The following SPACA9 variants were observed in gnomAD, a reference collection of about 807,000 sequenced individuals.
SPACA9 encodes the protein sperm acrosome-associated protein 9.
SPACA9 carries 14 observed loss-of-function variants against 12.5 expected under a neutral mutation model. The ratio of observed to expected loss-of-function variants is 1.12; its 90% CI spans 0.74 to 1.75. The LOEUF is 1.75. SPACA9 is among the 40% of genes most tolerant of loss of function. The pLI, the probability that SPACA9 is intolerant of heterozygous loss-of-function variation, is 0.00. For synonymous variants in SPACA9, 111 were observed against 114.1 expected, an observed-to-expected ratio of 0.97 and a Z score of 0.17; for missense variants, 292 against 291.9, an observed-to-expected ratio of 1.00 and a Z score of 0.00.
chr9:132,883,826 C>T, intron 1 of SPACA9, 85 bp from the exon 2 acceptor site: 1 of 1,083,282 alleles, frequency 9.2e-7, no homozygotes, highest in African/African-American at 1.5e-5. Flanking sequence ...CATGGGTATC[C>T]CTCTCCCCTG....
In SPACA9 at chr9:132,888,464, G is replaced by A. The variant is rs931521834; in HGVS notation, c.522G>A (p.Glu174=). The A allele has an allele frequency of 6.2e-7, 1 of 1,612,336 alleles. No individual in the cohort carries two copies. Among genetic ancestry groups the A allele is most frequent in the African/African-American group, 1.3e-5 (1 of 74,976 alleles). The change falls in exon 4 of 4, where the codon GAG becomes GAA. Residue 174 remains glutamate (E), a synonymous_variant. Coordinates refer to ENST00000356311, the MANE Select transcript of SPACA9 (RefSeq NM_001316897.2). This position sits in a 1 kb window ranked among gnomAD's most constrained non-coding sequence, Gnocchi z 5.0. ...TGAGTGAGCCCCAGGCGCACCAGGA[G>A]AGCACCAGGGGAGCCGCTCGTCCTG... ...QHVSEPQAHQ[E]STRGAARPAQ... is the part of the protein sequence containing the mutation.
intron 1 of SPACA9, among the ~76,000 whole-genome samples, chr9:132,882,752 C>T (rs1286359664): frequency 3.3e-5 from 5 of 152,156 alleles, no homozygotes; most frequent in Non-Finnish European, 4.4e-5. Flanking sequence ...GAGCTCAGCA[C>T]AGCCTTCTCT....
chr9:132,878,793 C>T, upstream of SPACA9: 7 of 985,178 alleles, frequency 7.1e-6, no homozygotes, highest in Non-Finnish European at 8.4e-6. This position sits in a 1 kb window ranked among gnomAD's most constrained non-coding sequence, Gnocchi z 4.7. Context: ...CCCCTCCCAG[C>T]TCCCCGGCTC....
rs57894570 is a variant in SPACA9 at position 132,888,452 on chromosome 9, G to A, written c.510G>A (p.Gln170=). 1.4e-3 allele frequency: 2,332 copies of A among 1,613,192 alleles called. 27 individuals are homozygous for A. The African/African-American group carries it at 0.027, about 19-fold the overall frequency. The change falls in exon 4 of 4, where the codon CAG becomes CAA. Residue 170 remains glutamine, a synonymous_variant. Transcript: ENST00000356311. This position sits in a 1 kb window ranked among gnomAD's most constrained non-coding sequence, Gnocchi z 5.0. ...TGCTGCAGCACGTGAGTGAGCCCCA[G>A]GCGCACCAGGAGAGCACCAGGGGAG... The part of the protein sequence containing the change: ...RKVLQHVSEP[Q]AHQESTRGAA...
Position 132,887,619 on chromosome 9 carries a change from G to C in SPACA9, c.347+48G>C. 1 of 1,527,254 alleles carries C rather than the reference G, an allele frequency of 6.5e-7. No individual in the cohort carries two copies. The highest frequency in any genetic ancestry group is 1.7e-4 in the Middle Eastern group (1 of 5,834). 94.6% of individuals were successfully genotyped at this position (1,527,254 alleles called of 1,614,324 possible). ...TTGAGGCCCCGTGTGTGCCTGTGGGGAGGCCTCTGTCCTGCTTCTTTCCTG... is the reference window on the plus strand; with the variant it reads ...TTGAGGCCCCGTGTGTGCCTGTGGGCAGGCCTCTGTCCTGCTTCTTTCCTG... On this transcript the variant is annotated intron_variant, in intron 3 of 3. Coordinates refer to ENST00000356311, the MANE Select transcript of SPACA9 (RefSeq NM_001316897.2). The surrounding 1 kb of genome is among the most constrained non-coding windows in gnomAD (Gnocchi z 5.4).
rs1844675566 is a variant in SPACA9 at position 132,889,363 on chromosome 9, C to A, written c.*752C>A. ...ACGCTGTTTGCGAGCCAGGGATGCT[C>A]CCCTCCAGGATGGAGTGGGGGTCGG... On this transcript the variant is annotated 3_prime_UTR_variant, in exon 4 of 4. Coordinates refer to ENST00000356311, the MANE Select transcript of SPACA9 (RefSeq NM_001316897.2). The A allele has an allele frequency of 1.0e-6, 1 of 985,506 alleles. No homozygotes were observed. Among genetic ancestry groups the A allele is most frequent in the African/African-American group, 1.7e-5 (1 of 57,364 alleles). 61.0% of individuals were successfully genotyped at this position (985,506 alleles called of 1,614,324 possible).
chr9:132,886,495 G>A (rs1844567636), intron 2 of SPACA9, among the ~76,000 whole-genome samples: 1 of 152,212 alleles, frequency 6.6e-6, no homozygotes, highest in Non-Finnish European at 1.5e-5. Flanking sequence ...AAGTCAGGGG[G>A]CAGCCCCCTT....
At chr9:132,879,313 C>CT (rs1218045680) in intron 1 of SPACA9, among the ~76,000 whole-genome samples, 2 of 152,172 alleles carry the variant, frequency 1.3e-5, no homozygotes, top group Non-Finnish European at 2.9e-5. Context: ...TTGTTGAACT[C>CT]TTTGTGCTCT....
intron 2 of SPACA9, among the ~76,000 whole-genome samples, chr9:132,885,970 G>A (rs555472256): frequency 3.9e-5 from 6 of 151,956 alleles, no homozygotes; most frequent in South Asian, 2.1e-4. Context: ...CCTCCTCCTC[G>A]ACCCCTACAG....
Position 132,889,634 on chromosome 9 carries a change from T to C in SPACA9, c.*1023T>C. 3.0e-6 allele frequency: 2 copies of C among 666,116 alleles called. No individual in the cohort carries two copies. The highest frequency in any genetic ancestry group is 3.7e-6 in the Non-Finnish European group (2 of 535,272). 41.3% of individuals were successfully genotyped at this position (666,116 alleles called of 1,614,324 possible). On this transcript the variant is annotated 3_prime_UTR_variant, in exon 4 of 4. Coordinates refer to ENST00000356311, the MANE Select transcript of SPACA9 (RefSeq NM_001316897.2). ...TTCACCACGTTGGCCAGGCTGGTCTTGAACTCCTGACCTCAACTGGTCCAC... is the reference window on the plus strand; with the variant it reads ...TTCACCACGTTGGCCAGGCTGGTCTCGAACTCCTGACCTCAACTGGTCCAC...
intron 1 of SPACA9, among the ~76,000 whole-genome samples, chr9:132,882,732 G>C (rs2131482626): frequency 6.6e-6 from 1 of 152,168 alleles, no homozygotes; most frequent in East Asian, 1.9e-4. Flanking sequence ...ATCTCCCTTG[G>C]ACTGGACCTG....
intron 2 of SPACA9, among the ~76,000 whole-genome samples, chr9:132,884,376 C>T (rs988381914): frequency 2.0e-5 from 3 of 152,216 alleles, no homozygotes; most frequent in Admixed American, 6.5e-5. Context: ...ATGACTTCAC[C>T]TTTCTGTGCC....
chr9:132,879,096 T>G (rs985037859), intron 1 of SPACA9, 82 bp downstream of exon 1: 2 of 151,668 alleles, frequency 1.3e-5, no homozygotes, highest in African/African-American at 4.9e-5. Context: ...GGGTGGAGGA[T>G]GGAAAGATGG....
chr9:132,883,967 C>T lies in SPACA9; in HGVS notation c.20C>T (p.Ser7Phe). 1 of 1,614,218 alleles carries T rather than the reference C, an allele frequency of 6.2e-7. No homozygotes were observed. Among genetic ancestry groups the T allele is most frequent in the Non-Finnish European group, 8.5e-7 (1 of 1,180,016 alleles). The change falls in exon 2 of 4, where the codon TCC (serine) becomes TTC (phenylalanine). Residue 7 changes from serine (S) to phenylalanine (F), a missense_variant. Coordinates refer to ENST00000356311, the MANE Select transcript of SPACA9 (RefSeq NM_001316897.2). MNEVKE[S>F]LRSIEQKYKL... ...AAGACAATGAATGAGGTGAAAGAAT[C>T]CCTTCGCAGCATCGAGCAGAAGTAC... is the stretch of plus-strand genomic sequence containing the variant.
intron 1 of SPACA9, among the ~76,000 whole-genome samples, chr9:132,880,274 C>T (rs1391030633): frequency 6.6e-6 from 1 of 152,184 alleles, no homozygotes; most frequent in Non-Finnish European, 1.5e-5. Flanking sequence ...CTCCCTCCTC[C>T]CCCAGATCGA....
At chr9:132,880,734 T>C (rs1340345857) in intron 1 of SPACA9, among the ~76,000 whole-genome samples, 2 of 152,062 alleles carry the variant, frequency 1.3e-5, no homozygotes, top group Non-Finnish European at 2.9e-5. Context: ...CCATTTAGAA[T>C]AACATGTCAA....
chr9:132,887,155 A>ATCCC lies in SPACA9; in HGVS notation c.145-211_145-210insCTCC, dbSNP rs1465171714. ...ATCATATCTATCCATCCATCCATCCATCCATCCATCCATCCATCCATCCAT... is the reference window on the plus strand; with the variant it reads ...ATCATATCTATCCATCCATCCATCCATCCCTCCATCCATCCATCCATCCATCCAT... On this transcript the variant is annotated intron_variant, in intron 2 of 3. Coordinates refer to ENST00000356311, the MANE Select transcript of SPACA9 (RefSeq NM_001316897.2). The surrounding 1 kb of genome is among the most constrained non-coding windows in gnomAD (Gnocchi z 5.4). 2.0e-5 allele frequency among the ~76,000 whole-genome samples: 3 copies of ATCCC among 151,618 alleles called. No homozygotes were observed. Among genetic ancestry groups the ATCCC allele is most frequent in the Non-Finnish European group, 4.4e-5 (3 of 67,916 alleles).
In SPACA9 at chr9:132,889,224, C is replaced by T; in HGVS notation, c.*613C>T. On this transcript the variant is annotated 3_prime_UTR_variant, in exon 4 of 4. Transcript: ENST00000356311. ...CACCTAGGTCCTCTTTGAGCCACAT[C>T]CGGCTCCAGTGCCACGCCTGTCCCT... 1 of 986,162 alleles carries T rather than the reference C, an allele frequency of 1.0e-6. No homozygotes were observed. The highest frequency in any genetic ancestry group is 1.2e-6 in the Non-Finnish European group (1 of 830,514). 61.1% of individuals were successfully genotyped at this position (986,162 alleles called of 1,614,324 possible). A position where few individuals can be genotyped will look rare whatever the true frequency, so the allele number is the denominator to read the frequency against.
At position 132,887,300 on chromosome 9, in the gene SPACA9, ATT is replaced by A. The variant is rs746737674; in HGVS notation, c.145-67_145-66del. On this transcript the variant is annotated intron_variant, in intron 2 of 3. Transcript: ENST00000356311. The surrounding 1 kb of genome is among the most constrained non-coding windows in gnomAD (Gnocchi z 5.4). The stretch of plus-strand genomic sequence containing the variant: ...GGGAGTAGGGTGGGTGCTTCTGGAC[ATT>A]TGCACCATAAGCCAGCCAGGACCCG... The A allele has an allele frequency of 8.3e-6, 12 of 1,439,882 alleles. No individual in the cohort carries two copies. The highest frequency in any genetic ancestry group is 1.2e-5 in the Non-Finnish European group (12 of 1,037,718). The allele number at this position is 1,439,882 out of a possible 1,614,324, so 89.2% of individuals were successfully genotyped here. A position where few individuals can be genotyped will look rare whatever the true frequency, so the allele number is the denominator to read the frequency against.
Sources: gnomAD v4.1 joint callset for allele counts (sites outside exome capture counted in the v4.1 genomes callset) on GRCh38, gnomAD v4.1.1 for gene constraint, Gnocchi (gnomAD v3.1) non-coding constraint, MANE v1.5 for transcripts, NCBI Gene and HGNC (gene_info 2026-07-23, HGNC 2026-07-21) for gene names.